Variants in WDR7 observed in about 807,000 individuals in gnomAD.
WDR7 encodes WD repeat domain 7.
In WDR7, 46 loss-of-function variants were observed where a neutral mutation model predicts 169.4. The observed-to-expected ratio is 0.27, with a 90% CI of 0.21 to 0.35. The LOEUF is 0.35. Ranked by LOEUF, WDR7 falls within the 10% of genes least tolerant of loss-of-function variation. WDR7 has a pLI of 1.00. For synonymous variants in WDR7, 612 were observed against 666.8 expected, an observed-to-expected ratio of 0.92 and a Z score of 1.27; for missense variants, 1,534 against 1,859.3, an observed-to-expected ratio of 0.83 and a Z score of 3.22.
At chr18:56,850,083 C>T (rs2045620225) in intron 20 of WDR7, among the ~76,000 whole-genome samples, 1 of 152,166 alleles carries the variant, frequency 6.6e-6, no homozygotes, top group African/African-American at 2.4e-5. Context: ...TTCCTCTTTC[C>T]CAGAACTTCA....
At chr18:57,022,498 A>G (rs903526183) in intron 27 of WDR7, among the ~76,000 whole-genome samples, 3 of 152,322 alleles carry the variant, frequency 2.0e-5, no homozygotes, top group Middle Eastern at 3.4e-3. Context: ...CAAACAAAAC[A>G]TCTCTTTTTT....
chr18:56,856,670 T>C (rs781597206), intron 20 of WDR7, among the ~76,000 whole-genome samples: 4 of 152,080 alleles, frequency 2.6e-5, no homozygotes, highest in Non-Finnish European at 4.4e-5. Context: ...ATCCTAGAGT[T>C]ACTAAGTCTT....
chr18:56,976,694 T>C (rs981355201), intron 26 of WDR7, among the ~76,000 whole-genome samples: 1 of 152,172 alleles, frequency 6.6e-6, no homozygotes, highest in African/African-American at 2.4e-5. Context: ...AGGGGAACTT[T>C]AAAACAAATA....
chr18:56,680,565 TAAAG>T (rs2025333227), intron 3 of WDR7, among the ~76,000 whole-genome samples: 2 of 152,360 alleles, frequency 1.3e-5, no homozygotes, highest in South Asian at 4.1e-4. Context: ...AATGGTATCT[TAAAG>T]AAAACTCTAA....
chr18:56,731,711 A>G (rs1185800188), intron 14 of WDR7, 114 bp downstream of exon 14: 5 of 969,580 alleles, frequency 5.2e-6, no homozygotes, highest in Non-Finnish European at 5.9e-6. Context: ...TTGAAAAATA[A>G]ACTTTTGATT....
At chr18:56,917,530 T>C (rs1310620521) in intron 21 of WDR7, among the ~76,000 whole-genome samples, 1 of 152,190 alleles carries the variant, frequency 6.6e-6, no homozygotes, top group Non-Finnish European at 1.5e-5. Flanking sequence ...TTCTAAGTAA[T>C]AAGAGAGAAC....
intron 21 of WDR7, among the ~76,000 whole-genome samples, chr18:56,905,316 T>C (rs963415274): frequency 6.6e-6 from 1 of 151,954 alleles, no homozygotes; most frequent in African/African-American, 2.4e-5. Flanking sequence ...ACCCAGCTAG[T>C]TTCTGTATTT....
At chr18:56,662,812 A>T (rs75112749) in intron 1 of WDR7, among the ~76,000 whole-genome samples, 2,599 of 152,366 alleles carry the variant, frequency 0.017, 59 homozygotes, top group East Asian at 0.079. Flanking sequence ...CAGATATGGA[A>T]CATTCTACAA....
At chr18:56,996,695 AT>A (rs1249491495) in intron 26 of WDR7, among the ~76,000 whole-genome samples, 1 of 152,184 alleles carries the variant, frequency 6.6e-6, no homozygotes, top group East Asian at 1.9e-4. Flanking sequence ...AGTGCCCAGA[AT>A]TATTAGGAAG....
chr18:56,902,515 A>G (rs2046416871), intron 21 of WDR7, among the ~76,000 whole-genome samples: 2 of 152,194 alleles, frequency 1.3e-5, no homozygotes, highest in South Asian at 4.1e-4. Flanking sequence ...GTAAACACAG[A>G]TGGAAACTCT....
At chr18:56,883,547 G>T (rs895566344) in intron 21 of WDR7, among the ~76,000 whole-genome samples, 1 of 150,772 alleles carries the variant, frequency 6.6e-6, no homozygotes, top group African/African-American at 2.4e-5. Flanking sequence ...GGAGGAGCAA[G>T]TGTTGTTTGG....
At chr18:56,717,579 T>C (rs1232608350) in intron 12 of WDR7, among the ~76,000 whole-genome samples, 1 of 152,198 alleles carries the variant, frequency 6.6e-6, no homozygotes, top group Non-Finnish European at 1.5e-5. Context: ...AAAGAAGCAC[T>C]GCAGAAAGCA....
At chr18:56,671,692 A>G (rs2025139196) in intron 1 of WDR7, among the ~76,000 whole-genome samples, 1 of 152,210 alleles carries the variant, frequency 6.6e-6, no homozygotes, top group Non-Finnish European at 1.5e-5. Context: ...AGAGTGAGAA[A>G]GACCACAGGT....
intron 26 of WDR7, among the ~76,000 whole-genome samples, chr18:57,007,378 T>C (rs951644591): frequency 6.6e-6 from 1 of 152,192 alleles, no homozygotes; most frequent in Non-Finnish European, 1.5e-5. Flanking sequence ...CATTGGGCTT[T>C]CTAAAACATA....
intron 14 of WDR7, among the ~76,000 whole-genome samples, chr18:56,731,873 A>G (rs1437167744): frequency 6.6e-6 from 1 of 152,192 alleles, no homozygotes; most frequent in African/African-American, 2.4e-5. Flanking sequence ...ACTGTATATA[A>G]TCTGTCTTAC....
intron 1 of WDR7, among the ~76,000 whole-genome samples, chr18:56,665,306 A>AGG (rs1555674548): frequency 7.5e-6 from 1 of 133,380 alleles, no homozygotes; most frequent in Non-Finnish European, 1.6e-5. Flanking sequence ...AAAAAAAAAA[A>AGG]AAGAAGAAGA....
intron 16 of WDR7, among the ~76,000 whole-genome samples, chr18:56,760,045 C>T (rs928577195): frequency 2.0e-5 from 3 of 152,078 alleles, no homozygotes; most frequent in Admixed American, 6.5e-5. Context: ...TTTCTCTGAC[C>T]TCTAATTAAA....
At chr18:56,952,251 C>T (rs2047193879) in intron 25 of WDR7, among the ~76,000 whole-genome samples, 1 of 152,222 alleles carries the variant, frequency 6.6e-6, no homozygotes, top group Non-Finnish European at 1.5e-5. Context: ...GCCTTTGCCA[C>T]ACCCAGCTGT....
intron 1 of WDR7, among the ~76,000 whole-genome samples, chr18:56,663,554 C>T (rs1450205083): frequency 6.6e-6 from 1 of 151,980 alleles, no homozygotes; most frequent in African/African-American, 2.4e-5. Context: ...GTTCTACACA[C>T]ACAAAATATG....
Sources: allele counts gnomAD v4.1 joint callset (sites outside exome capture counted in the v4.1 genomes callset), GRCh38; gene constraint gnomAD v4.1.1; transcripts MANE v1.5; gene names NCBI Gene and HGNC (gene_info 2026-07-23, HGNC 2026-07-21).